MAD2L1: variants seen among roughly 807,000 people sequenced by gnomAD.
The protein encoded by MAD2L1 is mitotic spindle assembly checkpoint protein MAD2A.
MAD2L1 carries 10 observed loss-of-function variants against 25.9 expected under a neutral mutation model. The ratio of observed to expected loss-of-function variants is 0.39; its 90% CI spans 0.24 to 0.66. The LOEUF (loss-of-function observed/expected upper bound fraction) is 0.66, where lower values mean the gene tolerates loss of function less well. Among genes scored for constraint, MAD2L1 ranks in the 30% least tolerant of loss-of-function variants. The probability of loss-of-function intolerance (pLI) is 0.49; values close to 1 mark genes in which losing one functional copy is unlikely to be tolerated. For missense variants in MAD2L1, 180 were observed against 246.4 expected (o/e 0.73, Z 1.80); for synonymous variants, 81 against 91.8 (o/e 0.88, Z 0.67).
chr4:120,056,864 G>A lies in MAD2L1; in HGVS notation c.*3254C>T, dbSNP rs1726119476. 6.6e-6 allele frequency: 1 copy of A among 152,188 alleles called. No homozygotes were observed. The highest frequency in any genetic ancestry group is 2.4e-5 in the African/African-American group (1 of 41,456). 9.4% of individuals were successfully genotyped at this position (152,188 alleles called of 1,614,324 possible). A position where few individuals can be genotyped will look rare whatever the true frequency, so the allele number is the denominator to read the frequency against. Reference sequence around the variant, plus strand: ...TGTTAGGAAGTATGTCAAGAAAATAGCTGGTTGTGCTTCAGAGAATATGGA... The same window carrying A: ...TGTTAGGAAGTATGTCAAGAAAATAACTGGTTGTGCTTCAGAGAATATGGA... On this transcript the variant is annotated 3_prime_UTR_variant, in exon 5 of 5. Transcript: ENST00000296509.
chr4:120,063,942 A>G (rs1245021606), intron 2 of MAD2L1, among the ~76,000 whole-genome samples: 1 of 152,164 alleles, frequency 6.6e-6, no homozygotes, highest in African/African-American at 2.4e-5. Context: ...CAGTGAGCGG[A>G]GATCACGCCA....
rs1317725219 is a variant in MAD2L1, at chr4:120,066,574, C to T, written c.73+88G>A. The T allele has an allele frequency of 6.5e-6, 8 of 1,230,154 alleles. No individual in the cohort carries two copies. The Admixed American group carries it at 1.6e-4, about 24-fold the overall frequency. The allele number at this position is 1,230,154 out of a possible 1,614,324, so 76.2% of individuals were successfully genotyped here. A position where few individuals can be genotyped will look rare whatever the true frequency, so the allele number is the denominator to read the frequency against. On this transcript the variant is annotated intron_variant, in intron 1 of 4. Coordinates refer to ENST00000296509, the MANE Select transcript of MAD2L1 (RefSeq NM_002358.4). ...CCTGCAGCCGCCTCTCCCCAGATTA[C>T]TTCTCTGGTATCAGAGGCCGAGCTG... is the stretch of plus-strand genomic sequence containing the variant.
intron 4 of MAD2L1, 90 bp from the exon 5 acceptor site, chr4:120,060,380 C>T: frequency 9.8e-7 from 1 of 1,021,630 alleles, no homozygotes; most frequent in Non-Finnish European, 1.4e-6. Context: ...CCACTCACTG[C>T]TGGAAAAGGT....
At chr4:120,064,214 C>T (rs1270922116) in intron 2 of MAD2L1, among the ~76,000 whole-genome samples, 1 of 152,110 alleles carries the variant, frequency 6.6e-6, no homozygotes, top group Non-Finnish European at 1.5e-5. Flanking sequence ...GGTTCCAGGC[C>T]AAACGACCTG....
intron 4 of MAD2L1, 43 bp from the exon 5 acceptor site, chr4:120,060,333 AG>A: frequency 6.8e-7 from 1 of 1,463,466 alleles, no homozygotes; most frequent in Non-Finnish European, 9.3e-7. Flanking sequence ...ATTTTCTAAA[AG>A]TAAAACTAAT....
intron 1 of MAD2L1, 139 bp from the exon 2 acceptor site, chr4:120,065,957 A>AG: frequency 1.3e-6 from 1 of 760,378 alleles, no homozygotes; most frequent in Non-Finnish European, 2.1e-6. Flanking sequence ...TGCTGAAAGC[A>AG]GAGTAGGTAC....
In MAD2L1 at chr4:120,057,540, T is replaced by C. The variant is rs1009361858; in HGVS notation, c.*2578A>G. ...TCCTGAAAGCCAGATACAGTTCAGT[T>C]CCTCCTGGGCTCTACTTCAGACCTT... is the stretch of plus-strand genomic sequence containing the variant. On this transcript the variant is annotated 3_prime_UTR_variant, in exon 5 of 5. Transcript: ENST00000296509. 4 of 152,364 alleles carry C rather than the reference T, an allele frequency of 2.6e-5. No homozygotes were observed. The highest frequency in any genetic ancestry group is 2.6e-4 in the Admixed American group (4 of 15,284). The allele number at this position is 152,364 out of a possible 1,614,324, so 9.4% of individuals were successfully genotyped here.
intron 4 of MAD2L1, 102 bp from the exon 5 acceptor site, chr4:120,060,392 A>G (rs1578459479): frequency 2.2e-6 from 2 of 900,454 alleles, no homozygotes; most frequent in East Asian, 5.5e-5. Context: ...GGAAAAGGTC[A>G]TTTGGCTTGG....
intron 2 of MAD2L1, chr4:120,065,305 C>T (rs72686538): frequency 0.046 from 7,130 of 155,730 alleles, 232 homozygotes; most frequent in Non-Finnish European, 0.067. Flanking sequence ...TAATTAGTTA[C>T]AGAAAATTAA....
chr4:120,060,762 A>T, intron 4 of MAD2L1, 112 bp downstream of exon 4: 1 of 650,424 alleles, frequency 1.5e-6, no homozygotes, highest in Non-Finnish European at 2.6e-6. Context: ...CCTTCAATTT[A>T]TATTACATAA....
In MAD2L1 at chr4:120,060,979, TG is replaced by T; in HGVS notation, c.342-3del. 4.5e-6 allele frequency: 7 copies of T among 1,555,504 alleles called. No homozygotes were observed. Among genetic ancestry groups the T allele is most frequent in the Non-Finnish European group, 5.3e-6 (6 of 1,129,232 alleles). On this transcript the variant is annotated splice_region_variant and splice_polypyrimidine_tract_variant and intron_variant, in intron 3 of 4. Coordinates refer to ENST00000296509, the MANE Select transcript of MAD2L1 (RefSeq NM_002358.4). ...TTCTGAGACTTTTCTCTGGGTGCAC[TG>T]TCAAAAAAAAATCAAATCAATTAAT...
rs1726162127 is a variant in MAD2L1, at chr4:120,059,134, TAA to T, written c.*982_*983del. ...AGGAAAAGTAGGCTGACAATAAGGC[TAA>T]GAGTATAGTAAAGTACTAAAATCAA... is the stretch of plus-strand genomic sequence containing the variant. On this transcript the variant is annotated 3_prime_UTR_variant, in exon 5 of 5. Coordinates refer to ENST00000296509, the MANE Select transcript of MAD2L1 (RefSeq NM_002358.4). 2.0e-5 allele frequency: 3 copies of T among 152,198 alleles called. No homozygotes were observed. Among genetic ancestry groups the T allele is most frequent in the Admixed American group, 6.5e-5 (1 of 15,284 alleles). The allele number at this position is 152,198 out of a possible 1,614,324, so 9.4% of individuals were successfully genotyped here.
chr4:120,064,651 G>A (rs1428323693), intron 2 of MAD2L1, among the ~76,000 whole-genome samples: 1 of 152,144 alleles, frequency 6.6e-6, no homozygotes, highest in East Asian at 1.9e-4. Context: ...CTGTTAATTT[G>A]AGACCTGACA....
rs1395808618 is a variant in MAD2L1 at position 120,057,830 on chromosome 4, G to C, written c.*2288C>G. On this transcript the variant is annotated 3_prime_UTR_variant, in exon 5 of 5. Coordinates refer to ENST00000296509, the MANE Select transcript of MAD2L1 (RefSeq NM_002358.4). Reference sequence around the variant, plus strand: ...TTCACCTCAATAAAACTCATAGTTTGGCTCCCACTCAGCTCCAAAATGTGT... The same window carrying C: ...TTCACCTCAATAAAACTCATAGTTTCGCTCCCACTCAGCTCCAAAATGTGT... The C allele has an allele frequency of 6.6e-6, 1 of 152,110 alleles. No individual in the cohort carries two copies. Among genetic ancestry groups the C allele is most frequent in the East Asian group, 1.9e-4 (1 of 5,180 alleles). The allele number at this position is 152,110 out of a possible 1,614,324, so 9.4% of individuals were successfully genotyped here. A position where few individuals can be genotyped will look rare whatever the true frequency, so the allele number is the denominator to read the frequency against.
chr4:120,065,896 T>C (rs974151368), intron 1 of MAD2L1, 78 bp from the exon 2 acceptor site: 10 of 1,440,014 alleles, frequency 6.9e-6, no homozygotes, highest in African/African-American at 5.7e-5. Flanking sequence ...TAGATGTTGC[T>C]ATATTTTCAT....
intron 3 of MAD2L1, 70 bp from the exon 4 acceptor site, chr4:120,061,047 G>T: frequency 1.1e-6 from 1 of 881,220 alleles, no homozygotes; most frequent in Non-Finnish European, 1.9e-6. Context: ...ATAGTGGTTA[G>T]ATTATTTATC....
chr4:120,065,946 T>C, intron 1 of MAD2L1, 128 bp from the exon 2 acceptor site: 1 of 863,876 alleles, frequency 1.2e-6, no homozygotes, highest in Non-Finnish European at 1.7e-6. Context: ...CACGTGTATC[T>C]TGCTGAAAGC....
intron 3 of MAD2L1, 91 bp from the exon 4 acceptor site, chr4:120,061,068 C>A: frequency 1.4e-6 from 1 of 711,276 alleles, no homozygotes; most frequent in Non-Finnish European, 2.4e-6. Flanking sequence ...TGATTAAATG[C>A]TCTCAACATC....
chr4:120,066,814 A>G lies in MAD2L1; in HGVS notation c.-80T>C, dbSNP rs186459665. The G allele has an allele frequency of 8.3e-6, 9 of 1,083,470 alleles. No homozygotes were observed. The highest frequency in any genetic ancestry group is 1.2e-5 in the Non-Finnish European group (9 of 722,036). The allele number at this position is 1,083,470 out of a possible 1,614,324, so 67.1% of individuals were successfully genotyped here. On this transcript the variant is annotated 5_prime_UTR_variant, in exon 1 of 5. Transcript: ENST00000296509. Reference sequence around the variant, plus strand: ...CGGCTCCAACAGCACTTCCCCGCCAAGCGTTTCAAAAGTAACGACGCAGCA... The same window carrying G: ...CGGCTCCAACAGCACTTCCCCGCCAGGCGTTTCAAAAGTAACGACGCAGCA...
Sources: allele counts gnomAD v4.1 joint callset (sites outside exome capture counted in the v4.1 genomes callset), GRCh38; gene constraint gnomAD v4.1.1; transcripts MANE v1.5; gene names NCBI Gene and HGNC (gene_info 2026-07-23, HGNC 2026-07-21).